RTL4: variants seen among roughly 807,000 people sequenced by gnomAD.
RTL4 encodes the protein retrotransposon Gag like 4, also known as retrotransposon Gag-like protein 4.
RTL4 carries 4 observed loss-of-function variants against 5.3 expected under a neutral mutation model. That is an observed-to-expected ratio of 0.75 (90% CI 0.37 to 1.72). RTL4 has a LOEUF of 1.72. RTL4 is among the 40% of genes most tolerant of loss of function. The pLI, the probability that RTL4 is intolerant of heterozygous loss-of-function variation, is 0.04. For missense variants in RTL4, 260 were observed against 227.1 expected, an observed-to-expected ratio of 1.14 and a Z score of -0.93; for synonymous variants, 98 against 87.3, an observed-to-expected ratio of 1.12 and a Z score of -0.68.
the RTL4 span, among the ~76,000 whole-genome samples, chrX:112,307,541 C>T: frequency 2.7e-5 from 3 of 111,942 alleles, no homozygotes; most frequent in East Asian, 8.5e-4. Flanking sequence ...CAAGTGATCC[C>T]TTCTCAATGT....
the RTL4 span, among the ~76,000 whole-genome samples, chrX:112,164,718 C>G: frequency 8.9e-6 from 1 of 112,067 alleles, no homozygotes; most frequent in African/African-American, 3.2e-5. Context: ...TGGTTTATAA[C>G]CCCTGAACTC....
the RTL4 span, among the ~76,000 whole-genome samples, chrX:112,205,345 T>C: frequency 9.0e-6 from 1 of 111,548 alleles, no homozygotes; most frequent in Non-Finnish European, 1.9e-5. Context: ...ATAAGAGTCA[T>C]TGATGACCTC....
the RTL4 span, among the ~76,000 whole-genome samples, chrX:112,207,755 G>T: frequency 9.2e-6 from 1 of 109,242 alleles, no homozygotes; most frequent in South Asian, 4.1e-4. Context: ...TGCCCAGTCA[G>T]TCTTTCTCTT....
chrX:112,112,820 GAGATCCTTGA>G, the RTL4 span, among the ~76,000 whole-genome samples: 3 of 111,848 alleles, frequency 2.7e-5, no homozygotes, highest in African/African-American at 9.8e-5. Flanking sequence ...TGTGGTCTCT[GAGATCCTTGA>G]AGGCAAAGAG....
chrX:112,169,361 G>T, the RTL4 span, among the ~76,000 whole-genome samples: 5 of 110,049 alleles, frequency 4.5e-5, no homozygotes, highest in African/African-American at 6.6e-5. Context: ...TGATCCACCC[G>T]CCTCGGCCTC....
At chrX:112,293,328 T>C in the RTL4 span, among the ~76,000 whole-genome samples, 3 of 112,452 alleles carry the variant, frequency 2.7e-5, no homozygotes, top group Admixed American at 9.5e-5. Flanking sequence ...TAGACACATA[T>C]TCCTTGTCTT....
the RTL4 span, among the ~76,000 whole-genome samples, chrX:112,136,836 A>G: frequency 8.9e-6 from 1 of 112,023 alleles, no homozygotes. Flanking sequence ...GTTTTATACC[A>G]GTATGGCATT....
chrX:112,213,476 C>T, the RTL4 span, among the ~76,000 whole-genome samples: 6 of 112,339 alleles, frequency 5.3e-5, no homozygotes, highest in African/African-American at 1.3e-4. Flanking sequence ...CTATACTTGG[C>T]GCTGGCCAGA....
the RTL4 span, among the ~76,000 whole-genome samples, chrX:112,207,554 T>A: frequency 1.8e-5 from 2 of 111,691 alleles, no homozygotes; most frequent in African/African-American, 6.5e-5. Context: ...CCAGTTTCAC[T>A]ACTTGGAGAT....
the RTL4 span, among the ~76,000 whole-genome samples, chrX:112,397,338 G>C: frequency 7.4e-3 from 821 of 111,277 alleles, 3 homozygotes; most frequent in Non-Finnish European, 0.012. Context: ...CTATTATATC[G>C]TTTTTATTTG....
chrX:112,431,560 T>A, the RTL4 span, among the ~76,000 whole-genome samples: 2 of 111,283 alleles, frequency 1.8e-5, no homozygotes, highest in East Asian at 5.7e-4. Context: ...CTCCTGGGTT[T>A]CTGCTTTTGT....
the RTL4 span, among the ~76,000 whole-genome samples, chrX:112,364,731 C>T: frequency 0.056 from 6,209 of 111,069 alleles, 449 homozygotes; most frequent in African/African-American, 0.19. Context: ...GATGAAGAAA[C>T]AGAAATACTA....
the RTL4 span, among the ~76,000 whole-genome samples, chrX:112,233,741 T>A: frequency 9.0e-6 from 1 of 110,910 alleles, no homozygotes; most frequent in African/African-American, 3.3e-5. Context: ...TCCAACAGAG[T>A]TGTAGTGCCT....
chrX:112,210,642 G>C, the RTL4 span, among the ~76,000 whole-genome samples: 1 of 111,915 alleles, frequency 8.9e-6, no homozygotes, highest in South Asian at 3.7e-4. Flanking sequence ...AAGCCTGTGG[G>C]TACTCCACAA....
chrX:112,139,713 G>C, the RTL4 span, among the ~76,000 whole-genome samples: 3 of 111,748 alleles, frequency 2.7e-5, no homozygotes, highest in African/African-American at 9.8e-5. Context: ...TATTCTTTGG[G>C]TTATTGATAT....
chrX:112,208,581 C>T, the RTL4 span, among the ~76,000 whole-genome samples: 4 of 112,064 alleles, frequency 3.6e-5, no homozygotes, highest in African/African-American at 1.3e-4. Context: ...TATCTATGGC[C>T]TCAATTAAGC....
chrX:112,128,402 G>A, the RTL4 span, among the ~76,000 whole-genome samples: 1 of 111,516 alleles, frequency 9.0e-6, no homozygotes, highest in Non-Finnish European at 1.9e-5. Context: ...GGTGGCTCAC[G>A]CCTCTAATCC....
chrX:112,117,779 AG>A, the RTL4 span, among the ~76,000 whole-genome samples: 1 of 111,907 alleles, frequency 8.9e-6, no homozygotes, highest in African/African-American at 3.2e-5. Flanking sequence ...GTCTTTAAAA[AG>A]TTTAAAAACA....
At chrX:112,278,973 G>T in the RTL4 span, among the ~76,000 whole-genome samples, 1 of 111,253 alleles carries the variant, frequency 9.0e-6, no homozygotes, top group African/African-American at 3.3e-5. Flanking sequence ...AAACATAACA[G>T]CAAAAATGAG....
Sources: allele counts gnomAD v4.1 joint callset (sites outside exome capture counted in the v4.1 genomes callset), GRCh38; gene constraint gnomAD v4.1.1; transcripts MANE v1.5; gene names NCBI Gene and HGNC (gene_info 2026-07-23, HGNC 2026-07-21).